The following DCLK2 variants were observed in gnomAD, a reference collection of about 807,000 sequenced individuals.
DCLK2 encodes the protein doublecortin like kinase 2, also known as serine/threonine-protein kinase DCLK2.
A neutral mutation model predicts 78.4 loss-of-function variants in DCLK2; 31 were observed. That is an observed-to-expected ratio of 0.40 (90% confidence interval 0.30 to 0.53). The LOEUF is 0.53. Among genes scored for constraint, DCLK2 ranks in the 20% least tolerant of loss-of-function variants. The pLI is 0.61. For synonymous variants in DCLK2, 407 were observed against 374.9 expected (o/e 1.09, Z -0.99); for missense variants, 872 against 973.7 (o/e 0.90, Z 1.39).
intron 2 of DCLK2, among the ~76,000 whole-genome samples, chr4:150,127,964 A>G (rs1733034181): frequency 6.6e-6 from 1 of 152,228 alleles, no homozygotes; most frequent in Non-Finnish European, 1.5e-5. Flanking sequence ...ACTGCAACCT[A>G]AGTGCAATGA....
chr4:150,232,253 G>A (rs1580764523), intron 8 of DCLK2, 84 bp from the exon 9 acceptor site: 2 of 1,512,476 alleles, frequency 1.3e-6, no homozygotes, highest in African/African-American at 2.8e-5. Flanking sequence ...TCCACAGGCT[G>A]TGTTTGTTTT....
At chr4:150,192,517 A>T (rs968052100) in intron 2 of DCLK2, among the ~76,000 whole-genome samples, 27 of 151,046 alleles carry the variant, frequency 1.8e-4, no homozygotes, top group African/African-American at 6.1e-4. Context: ...GAGACCACAT[A>T]TTTAGATATA....
intron 1 of DCLK2, among the ~76,000 whole-genome samples, chr4:150,080,377 G>A (rs962240116): frequency 4.6e-5 from 7 of 152,104 alleles, no homozygotes; most frequent in African/African-American, 1.2e-4. Flanking sequence ...CCTGCAATAC[G>A]TATGCCTCAT....
At position 150,256,076 on chromosome 4, in the gene DCLK2, C is replaced by T. The variant is rs200028284; in HGVS notation, c.2130C>T (p.Ser710=). The change falls in exon 16 of 16, where the codon AGC becomes AGT. Residue 710 remains serine (S), a synonymous_variant. Transcript: ENST00000296550. ...TCTGCAGCAAGCACTGTCAAGACAG[C>T]GGCAGGCCTGGGATGGAGCCCATCT... is the stretch of plus-strand genomic sequence containing the variant. ...QIFCSKHCQD[S]GRPGMEPISP... 2.6e-5 allele frequency: 42 copies of T among 1,613,216 alleles called. No homozygotes were observed. The highest frequency in any genetic ancestry group is 8.3e-5 in the Admixed American group (5 of 59,946).
In DCLK2 at chr4:150,102,797, C is replaced by T; in HGVS notation, c.741C>T (p.Thr247=). The change falls in exon 2 of 16, where the codon ACC becomes ACT. Residue 247 remains threonine (T), a synonymous_variant. Transcript: ENST00000296550. ...CAGGAGTCGTCAAGAGGCTCTGCAC[C>T]CTGGATGGAAAGCAGGTAAGATGCT... ...LDSGVVKRLC[T]LDGKQVTCLQ... 1 of 1,604,186 alleles carries T rather than the reference C, an allele frequency of 6.2e-7. No individual in the cohort carries two copies. The highest frequency in any genetic ancestry group is 1.1e-5 in the South Asian group (1 of 89,968).
chr4:150,157,251 A>T (rs1470656049), intron 2 of DCLK2, among the ~76,000 whole-genome samples: 9 of 151,188 alleles, frequency 6.0e-5, no homozygotes, highest in Non-Finnish European at 1.2e-4. Context: ...TCTTTTTAAA[A>T]TTTTTTAAAA....
chr4:150,169,033 C>T (rs1736309504), intron 2 of DCLK2, among the ~76,000 whole-genome samples: 1 of 151,956 alleles, frequency 6.6e-6, no homozygotes, highest in Non-Finnish European at 1.5e-5. Context: ...CATTGGAAGC[C>T]AAAGTGCACC....
intron 15 of DCLK2, among the ~76,000 whole-genome samples, chr4:150,252,605 C>A (rs966802449): frequency 7.2e-5 from 11 of 152,226 alleles, no homozygotes; most frequent in African/African-American, 2.7e-4. Context: ...CCCCCTCAGA[C>A]AGAACCTATG....
At chr4:150,082,796 T>C (rs1216494794) in intron 1 of DCLK2, among the ~76,000 whole-genome samples, 1 of 152,190 alleles carries the variant, frequency 6.6e-6, no homozygotes, top group African/African-American at 2.4e-5. Flanking sequence ...AGGGACTGAT[T>C]CAGAATTCCT....
chr4:150,234,365 A>C (rs1742317354), intron 10 of DCLK2, among the ~76,000 whole-genome samples: 1 of 152,122 alleles, frequency 6.6e-6, no homozygotes, highest in African/African-American at 2.4e-5. Context: ...GTTTGTGTCT[A>C]ATTATCTTTA....
chr4:150,143,069 A>G (rs1734221126), intron 2 of DCLK2, among the ~76,000 whole-genome samples: 1 of 152,132 alleles, frequency 6.6e-6, no homozygotes, highest in African/African-American at 2.4e-5. Flanking sequence ...CTCACTTAGG[A>G]TAGTGGCCTC....
intron 6 of DCLK2, 68 bp from the exon 7 acceptor site, chr4:150,221,609 A>G: frequency 1.0e-6 from 1 of 988,212 alleles, no homozygotes; most frequent in Non-Finnish European, 1.5e-6. Context: ...TTACTATTTT[A>G]CAAATATGTA....
chr4:150,134,502 GTCAT>G, intron 2 of DCLK2, among the ~76,000 whole-genome samples: 1 of 152,228 alleles, frequency 6.6e-6, no homozygotes, highest in Middle Eastern at 3.4e-3. Flanking sequence ...GAAAATTTTA[GTCAT>G]TCATAAGAAA....
intron 2 of DCLK2, among the ~76,000 whole-genome samples, chr4:150,116,907 A>G (rs1427393440): frequency 6.6e-6 from 1 of 152,060 alleles, no homozygotes; most frequent in Non-Finnish European, 1.5e-5. Flanking sequence ...CCAGAGTGCA[A>G]AAGAGTGCCA....
chr4:150,173,181 G>A (rs1736681142), intron 2 of DCLK2, among the ~76,000 whole-genome samples: 2 of 152,166 alleles, frequency 1.3e-5, no homozygotes, highest in African/African-American at 2.4e-5. Context: ...AAGGGCAGAG[G>A]TGGGGTGAGG....
intron 3 of DCLK2, among the ~76,000 whole-genome samples, chr4:150,193,873 T>C (rs1333387828): frequency 4.6e-5 from 7 of 152,100 alleles, no homozygotes; most frequent in Admixed American, 1.3e-4. Flanking sequence ...TGCCTCAGCC[T>C]CCTGAGTAGC....
intron 2 of DCLK2, among the ~76,000 whole-genome samples, chr4:150,155,144 A>G (rs1383428720): frequency 1.3e-5 from 2 of 152,212 alleles, no homozygotes; most frequent in Non-Finnish European, 1.5e-5. Context: ...AGGTAGAAGG[A>G]TGGCTTGAGC....
intron 2 of DCLK2, among the ~76,000 whole-genome samples, chr4:150,142,414 T>G (rs535017706): frequency 6.6e-6 from 1 of 152,316 alleles, no homozygotes; most frequent in South Asian, 2.1e-4. Context: ...CCCTTCCAAT[T>G]GAGTAGAATG....
rs1473888525 is a variant in DCLK2 at position 150,195,312 on chromosome 4, ATATATTATATTATATATTATATATAT to A, written c.859+2078_859+2103del. On this transcript the variant is annotated intron_variant, in intron 3 of 15. Transcript: ENST00000296550. The stretch of plus-strand genomic sequence containing the variant: ...TATATTATATATTATATATTATATT[ATATATTATATTATATATTATATATAT>A]TATATAATATTATATATTATATATA... Among the ~76,000 whole-genome samples the A allele has an allele frequency of 3.6e-3, 29 of 7,964 alleles. 7 individuals are homozygous for A. Among genetic ancestry groups the A allele is most frequent in the Non-Finnish European group, 4.8e-3 (15 of 3,110 alleles). 5.2% of individuals were successfully genotyped at this position (7,964 alleles called of 152,430 possible). A position where few individuals can be genotyped will look rare whatever the true frequency, so the allele number is the denominator to read the frequency against.
Sources: gnomAD v4.1 joint callset for allele counts (sites outside exome capture counted in the v4.1 genomes callset) on GRCh38, gnomAD v4.1.1 for gene constraint, MANE v1.5 for transcripts, NCBI Gene and HGNC (gene_info 2026-07-23, HGNC 2026-07-21) for gene names.